Variants in INPP5D observed in about 807,000 individuals in gnomAD.
The protein encoded by INPP5D is inositol polyphosphate-5-phosphatase D, also known as phosphatidylinositol 3,4,5-trisphosphate 5-phosphatase 1.
A neutral mutation model predicts 122.9 loss-of-function variants in INPP5D; 33 were observed. The observed-to-expected ratio is 0.27, with a 90% CI of 0.20 to 0.36. INPP5D has a LOEUF of 0.36. Ranked by LOEUF, INPP5D falls within the 10% of genes least tolerant of loss-of-function variation. The pLI is 1.00. For synonymous variants in INPP5D, 584 were observed against 576.2 expected (o/e 1.01, Z -0.19); for missense variants, 1,053 against 1,412.7 (o/e 0.75, Z 4.08).
At chr2:233,086,614 T>C (rs1574713942) in intron 2 of INPP5D, among the ~76,000 whole-genome samples, 1 of 152,278 alleles carries the variant, frequency 6.6e-6, no homozygotes, top group South Asian at 2.1e-4. Context: ...ACCTGGGTCC[T>C]GGATGATGCC....
intron 5 of INPP5D, among the ~76,000 whole-genome samples, chr2:233,131,335 G>GA (rs11416064): frequency 0.33 from 50,424 of 151,132 alleles, 10,312 homozygotes; most frequent in Non-Finnish European, 0.45. Flanking sequence ...GCTTGGAAGA[G>GA]AAAAAAAACA....
intron 2 of INPP5D, among the ~76,000 whole-genome samples, chr2:233,117,917 A>G (rs899953415): frequency 6.6e-6 from 1 of 152,108 alleles, no homozygotes; most frequent in African/African-American, 2.4e-5. Flanking sequence ...TCCTGGCTCC[A>G]ACTCTTGTCT....
At chr2:233,156,743 C>A (rs1694064029) in intron 9 of INPP5D, among the ~76,000 whole-genome samples, 1 of 152,196 alleles carries the variant, frequency 6.6e-6, no homozygotes, top group Non-Finnish European at 1.5e-5. Flanking sequence ...CACATAGACA[C>A]CCTCTACCTG....
chr2:233,085,291 T>C (rs56404114), intron 2 of INPP5D, among the ~76,000 whole-genome samples: 64,143 of 151,086 alleles, frequency 0.42, 16,557 homozygotes, highest in East Asian at 0.77. Context: ...GAGGCTGAGG[T>C]GGGAGGATCG....
rs946990981 is a variant in INPP5D, at chr2:233,082,243, A to G, written c.198+2845A>G. On this transcript the variant is annotated intron_variant, in intron 2 of 26. Coordinates refer to ENST00000445964, the MANE Select transcript of INPP5D (RefSeq NM_001017915.3). The surrounding 1 kb of genome is among the most constrained non-coding windows in gnomAD (Gnocchi z 4.7). ...ACTCACCTTCGAAAATCTACCTCCA[A>G]GAGTAAATGACAGCAGACGTCCACT... Among the ~76,000 whole-genome samples the G allele has an allele frequency of 7.9e-5, 12 of 152,210 alleles. No homozygotes were observed. Among genetic ancestry groups the G allele is most frequent in the Admixed American group, 7.2e-4 (11 of 15,282 alleles).
At chr2:233,148,796 C>A (rs949312666) in intron 9 of INPP5D, among the ~76,000 whole-genome samples, 2 of 152,006 alleles carry the variant, frequency 1.3e-5, no homozygotes, top group African/African-American at 4.8e-5. Flanking sequence ...CAGTTTGCAT[C>A]CCATGTCAGG....
chr2:233,161,999 C>A (rs1166270618), intron 11 of INPP5D, among the ~76,000 whole-genome samples, 173 bp downstream of exon 11: 2 of 152,216 alleles, frequency 1.3e-5, no homozygotes, highest in African/African-American at 2.4e-5. Flanking sequence ...GGAATTCCAC[C>A]CTTTTCCTGA....
chr2:233,086,189 C>CTTTCTTTCTTTCTTTT (rs60296918), intron 2 of INPP5D, among the ~76,000 whole-genome samples: 1 of 129,528 alleles, frequency 7.7e-6, no homozygotes, highest in Non-Finnish European at 1.6e-5. Context: ...TTCTTTCTTT[C>CTTTCTTTCTTTCTTTT]CTTTTTGAGA....
chr2:233,065,153 T>G (rs767712890), intron 1 of INPP5D, among the ~76,000 whole-genome samples: 1 of 152,168 alleles, frequency 6.6e-6, no homozygotes, highest in Non-Finnish European at 1.5e-5. Flanking sequence ...GCAAGCATGT[T>G]AAAATGGAGT....
At chr2:233,185,720 A>T in intron 20 of INPP5D, 123 bp from the exon 21 acceptor site, 7 of 1,109,570 alleles carry the variant, frequency 6.3e-6, no homozygotes, top group Middle Eastern at 2.2e-4. Context: ...GAGATAAAAA[A>T]AAAAAAAAAA....
chr2:233,122,226 G>C lies in INPP5D; in HGVS notation c.318G>C (p.Glu106Asp). 1 of 1,613,894 alleles carries C rather than the reference G, an allele frequency of 6.2e-7. No individual in the cohort carries two copies. Among genetic ancestry groups the C allele is most frequent in the Non-Finnish European group, 8.5e-7 (1 of 1,179,874 alleles). Residue 106 changes from glutamate to aspartate, a missense_variant, in exon 3 of 27, where the codon GAG (glutamate) becomes GAC (aspartate). Physicochemically the swap from Glu to Asp is conservative, Grantham distance 45. Transcript: ENST00000445964. ...AATACCCTGTGCCGCTGGAGGAAGAGGACACAGGCGACGACCCTGAGGAGG... is the reference window on the plus strand; with the variant it reads ...AATACCCTGTGCCGCTGGAGGAAGACGACACAGGCGACGACCCTGAGGAGG... ...HLQYPVPLEE[E>D]DTGDDPEEDT...
intron 21 of INPP5D, among the ~76,000 whole-genome samples, chr2:233,187,056 T>G (rs992844581): frequency 6.6e-6 from 1 of 152,082 alleles, no homozygotes; most frequent in African/African-American, 2.4e-5. Context: ...TGATGGCACA[T>G]GCCTGGAGTC....
chr2:233,110,155 G>A (rs1442818343), intron 2 of INPP5D, among the ~76,000 whole-genome samples: 3 of 150,452 alleles, frequency 2.0e-5, no homozygotes, highest in African/African-American at 7.3e-5. Flanking sequence ...AGGTTCAAGC[G>A]ATTCTCATGC....
intron 1 of INPP5D, among the ~76,000 whole-genome samples, chr2:233,063,509 T>C (rs1486787572): frequency 6.6e-6 from 1 of 152,228 alleles, no homozygotes; most frequent in Non-Finnish European, 1.5e-5. Context: ...GTAAATGGAC[T>C]TGAGCGGGGG....
rs771862056 is a variant in INPP5D, at chr2:233,188,800, T to A, written c.2359-1050T>A. On this transcript the variant is annotated intron_variant, in intron 21 of 26. Transcript: ENST00000445964. The surrounding 1 kb of genome is among the most constrained non-coding windows in gnomAD (Gnocchi z 4.7). ...CTGGTCTTGAACTCCTGACCTCAAG[T>A]GATCCACCCACCTCGGCCTCCCAAA... Among the ~76,000 whole-genome samples, 9 of 152,110 alleles carry A rather than the reference T, an allele frequency of 5.9e-5. No homozygotes were observed. Among genetic ancestry groups the A allele is most frequent in the Non-Finnish European group, 1.2e-4 (8 of 68,020 alleles).
intron 9 of INPP5D, among the ~76,000 whole-genome samples, chr2:233,152,125 A>G (rs1307250293): frequency 6.6e-6 from 1 of 152,206 alleles, no homozygotes; most frequent in African/African-American, 2.4e-5. Context: ...CAAAGCCTCA[A>G]TGATGCCTCC....
intron 18 of INPP5D, among the ~76,000 whole-genome samples, chr2:233,179,841 T>C (rs72972247): frequency 0.062 from 9,436 of 152,258 alleles, 364 homozygotes; most frequent in East Asian, 0.18. Flanking sequence ...ACAATTAACA[T>C]AGCAGGCATA....
At chr2:233,070,431 G>C (rs576183946) in intron 1 of INPP5D, among the ~76,000 whole-genome samples, 1 of 149,144 alleles carries the variant, frequency 6.7e-6, no homozygotes, top group East Asian at 2.0e-4. Flanking sequence ...CTTGGGCTAA[G>C]GATTCAGCAG....
chr2:233,146,185 C>G lies in INPP5D; in HGVS notation c.777C>G (p.Ile259Met). 1 of 704,280 alleles carries G rather than the reference C, an allele frequency of 1.4e-6. No homozygotes were observed. The highest frequency in any genetic ancestry group is 2.6e-6 in the Non-Finnish European group (1 of 385,020). The allele number at this position is 704,280 out of a possible 1,614,324, so 43.6% of individuals were successfully genotyped here. The change falls in exon 7 of 27, where the codon ATC (isoleucine) becomes ATG (methionine). Residue 259 changes from isoleucine to methionine, a missense_variant. By Grantham distance (10) the Ile-to-Met change is conservative (BLOSUM62 1). Transcript: ENST00000445964. The stretch of plus-strand genomic sequence containing the variant: ...AGGTTCCTGGTGAGGCCAATCCCAT[C>G]AACATGGTGTCCAAGCTCAGCCAAC... ...RPQVPGEANP[I>M]NMVSKLSQLT... is the part of the protein sequence containing the mutation.
Sources: gnomAD v4.1 joint callset for allele counts (sites outside exome capture counted in the v4.1 genomes callset) on GRCh38, gnomAD v4.1.1 for gene constraint, Gnocchi (gnomAD v3.1) non-coding constraint, MANE v1.5 for transcripts, NCBI Gene and HGNC (gene_info 2026-07-23, HGNC 2026-07-21) for gene names.